TSPAN18: variants seen among roughly 807,000 people sequenced by gnomAD.
TSPAN18 encodes the protein tetraspanin-18.
In TSPAN18, 14 loss-of-function variants were observed where a neutral mutation model predicts 27.3. That is an observed-to-expected ratio of 0.51 (90% CI 0.34 to 0.80). TSPAN18 has a LOEUF of 0.80. Ranked by LOEUF, TSPAN18 falls within the 30% of genes least tolerant of loss-of-function variation. The pLI is 0.01. For synonymous variants in TSPAN18, 143 were observed against 136.5 expected (o/e 1.05, Z -0.33); for missense variants, 268 against 323.9 (o/e 0.83, Z 1.32).
intron 5 of TSPAN18, among the ~76,000 whole-genome samples, chr11:44,911,339 C>G (rs1467676735): frequency 6.6e-6 from 1 of 152,098 alleles, no homozygotes; most frequent in Admixed American, 6.5e-5. Context: ...CCTCCCCAGA[C>G]GAGAGCACAC....
At chr11:44,773,615 C>T (rs1433816604) in intron 2 of TSPAN18, among the ~76,000 whole-genome samples, 3 of 152,140 alleles carry the variant, frequency 2.0e-5, no homozygotes, top group Non-Finnish European at 4.4e-5. Context: ...TGCCAGCTCC[C>T]TGGAAGGACG....
At chr11:44,826,816 G>A (rs1161414426) in intron 2 of TSPAN18, among the ~76,000 whole-genome samples, 1 of 152,186 alleles carries the variant, frequency 6.6e-6, no homozygotes, top group African/African-American at 2.4e-5. Flanking sequence ...CGTAGTGTGG[G>A]GAGTGCCTTG....
intron 3 of TSPAN18, among the ~76,000 whole-genome samples, chr11:44,883,881 T>C (rs1286301841): frequency 1.3e-5 from 2 of 152,264 alleles, no homozygotes. Context: ...GTTCCTCATT[T>C]GTAAAATAGG....
intron 2 of TSPAN18, among the ~76,000 whole-genome samples, chr11:44,775,541 G>C (rs1406098181): frequency 6.6e-6 from 1 of 152,118 alleles, no homozygotes; most frequent in Non-Finnish European, 1.5e-5. Flanking sequence ...TTCATTGCCA[G>C]CCTCCTTCTG....
Position 44,906,391 on chromosome 11 carries a change from G to T in TSPAN18, c.-10-16G>T. ...GGTCCCCCATCGGGAAGACTGAGGT[G>T]GCCTTGTATTTCTAGGTGGAGCACC... On this transcript the variant is annotated splice_polypyrimidine_tract_variant and intron_variant, in intron 3 of 9. Transcript: ENST00000520358. The T allele has an allele frequency of 2.5e-6, 4 of 1,613,878 alleles. No homozygotes were observed. Among genetic ancestry groups the T allele is most frequent in the Non-Finnish European group, 2.5e-6 (3 of 1,179,738 alleles).
intron 2 of TSPAN18, among the ~76,000 whole-genome samples, chr11:44,831,110 C>T (rs934116104): frequency 6.6e-6 from 1 of 152,096 alleles, no homozygotes; most frequent in Non-Finnish European, 1.5e-5. Flanking sequence ...AAGACTCTGT[C>T]TCAAAAACAA....
chr11:44,880,501 G>C (rs1858460246), intron 3 of TSPAN18, among the ~76,000 whole-genome samples: 1 of 152,234 alleles, frequency 6.6e-6, no homozygotes. Context: ...AAGGTCTCCT[G>C]GCACATGGGG....
chr11:44,727,503 C>T (rs1443895501), intron 1 of TSPAN18, among the ~76,000 whole-genome samples: 4 of 152,170 alleles, frequency 2.6e-5, no homozygotes, highest in Non-Finnish European at 4.4e-5. Context: ...CGTGCCTGCC[C>T]GGAGTCCGCT....
rs576235060 is a variant in TSPAN18, at chr11:44,799,909, C to T, written c.-153+35397C>T. Among the ~76,000 whole-genome samples the T allele has an allele frequency of 3.6e-3, 548 of 152,112 alleles. 2 individuals are homozygous for T. Among genetic ancestry groups the T allele is most frequent in the Non-Finnish European group, 5.1e-3 (347 of 68,012 alleles). On this transcript the variant is annotated intron_variant, in intron 2 of 9. Coordinates refer to ENST00000520358, the MANE Select transcript of TSPAN18 (RefSeq NM_130783.5). ...GCAGTGGCACGATCTTGGCTCACTG[C>T]AATCTCTGCCTCCTGGGTTCAAGCG...
At chr11:44,741,240 T>G (rs1854925223) in intron 1 of TSPAN18, among the ~76,000 whole-genome samples, 1 of 152,238 alleles carries the variant, frequency 6.6e-6, no homozygotes, top group Non-Finnish European at 1.5e-5. Flanking sequence ...ATGCATAACA[T>G]TTCCTCCCTT....
intron 2 of TSPAN18, among the ~76,000 whole-genome samples, chr11:44,833,913 G>T (rs1857208288): frequency 6.6e-6 from 1 of 151,796 alleles, no homozygotes; most frequent in African/African-American, 2.4e-5. Flanking sequence ...AATCTGCTTT[G>T]TCCATAACCT....
At chr11:44,883,186 G>A (rs2135263900) in intron 3 of TSPAN18, among the ~76,000 whole-genome samples, 1 of 152,302 alleles carries the variant, frequency 6.6e-6, no homozygotes, top group African/African-American at 2.4e-5. Flanking sequence ...CCATTTTAGT[G>A]ACGTTTCTTA....
intron 3 of TSPAN18, among the ~76,000 whole-genome samples, chr11:44,905,480 G>A (rs1859422089): frequency 6.6e-6 from 1 of 152,204 alleles, no homozygotes; most frequent in South Asian, 2.1e-4. Context: ...CCTGTCTCAT[G>A]GATCTCTAAT....
intron 8 of TSPAN18, among the ~76,000 whole-genome samples, chr11:44,924,914 AAG>A (rs888923117): frequency 1.1e-4 from 17 of 152,166 alleles, no homozygotes; most frequent in Non-Finnish European, 2.1e-4. Context: ...TCGCTTAACA[AAG>A]GATTTGGGGC....
At chr11:44,774,754 A>AG (rs1430999003) in intron 2 of TSPAN18, among the ~76,000 whole-genome samples, 48 of 152,306 alleles carry the variant, frequency 3.2e-4, no homozygotes, top group African/African-American at 1.1e-3. Flanking sequence ...TCACCACCTG[A>AG]TAGAACAACC....
intron 2 of TSPAN18, among the ~76,000 whole-genome samples, chr11:44,799,991 C>A (rs558993021): frequency 2.0e-5 from 3 of 149,512 alleles, no homozygotes; most frequent in South Asian, 2.1e-4. Context: ...CCACCACACC[C>A]GGCTAATTTT....
chr11:44,800,816 T>G, intron 2 of TSPAN18, among the ~76,000 whole-genome samples: 1 of 152,184 alleles, frequency 6.6e-6, no homozygotes, highest in Non-Finnish European at 1.5e-5. Flanking sequence ...TCGGGCTAAT[T>G]GCAAAGCTTC....
intron 2 of TSPAN18, among the ~76,000 whole-genome samples, chr11:44,790,371 T>TTG (rs1169270631): frequency 2.1e-5 from 3 of 144,420 alleles, no homozygotes; most frequent in African/African-American, 7.9e-5. Context: ...GCGTGCATGT[T>TTG]TGTGTGCGTG....
At chr11:44,851,789 A>G (rs1413770172) in intron 2 of TSPAN18, among the ~76,000 whole-genome samples, 3 of 152,020 alleles carry the variant, frequency 2.0e-5, no homozygotes, top group African/African-American at 7.2e-5. Flanking sequence ...TCCAACACCC[A>G]TTGCAGCTAA....
Sources: allele counts gnomAD v4.1 joint callset (sites outside exome capture counted in the v4.1 genomes callset), GRCh38; gene constraint gnomAD v4.1.1; transcripts MANE v1.5; gene names NCBI Gene and HGNC (gene_info 2026-07-23, HGNC 2026-07-21).